CACNA1S: variants seen among roughly 807,000 people sequenced by gnomAD.
CACNA1S encodes voltage-dependent L-type calcium channel subunit alpha-1S.
Under a neutral mutation model 207.4 loss-of-function variants are expected in CACNA1S, and 126 were observed. The ratio of observed to expected loss-of-function variants is 0.61; its 90% CI spans 0.53 to 0.70. CACNA1S has a LOEUF of 0.70. Among genes scored for constraint, CACNA1S ranks in the 30% least tolerant of loss-of-function variants. The pLI, the probability that CACNA1S is intolerant of heterozygous loss-of-function variation, is 0.00. For missense variants in CACNA1S, 2,349 were observed against 2,422.8 expected, an observed-to-expected ratio of 0.97 and a Z score of 0.64; for synonymous variants, 960 against 932.7, an observed-to-expected ratio of 1.03 and a Z score of -0.53.
Position 201,058,468 on chromosome 1 carries a change from A to AT in CACNA1S, c.3548dup (p.Asn1183LysfsTer4). On this transcript the variant is annotated frameshift_variant, in exon 28 of 44. Coordinates refer to ENST00000362061, the MANE Select transcript of CACNA1S (RefSeq NM_000069.3). LOFTEE classifies it high-confidence loss of function. ...CAATGACAATCAGGAAGTCAAACAC[A>AT]TTCCAGGGGTCTCCAAAGTAGCCCT... 6.2e-7 allele frequency: 1 copy of AT among 1,614,150 alleles called. No individual in the cohort carries two copies. Among genetic ancestry groups the AT allele is most frequent in the South Asian group, 1.1e-5 (1 of 91,088 alleles).
At chr1:201,050,324 C>T (rs917980998) in intron 34 of CACNA1S, 65 bp downstream of exon 34, 2 of 1,574,358 alleles carry the variant, frequency 1.3e-6, no homozygotes, top group African/African-American at 1.3e-5. Context: ...AGAGTGACTC[C>T]CTGTGAGACG....
chr1:201,064,160 C>A (rs548436234), intron 22 of CACNA1S, among the ~76,000 whole-genome samples: 25 of 152,300 alleles, frequency 1.6e-4, no homozygotes, highest in African/African-American at 6.0e-4. Context: ...GGTGGGCCTC[C>A]TCTGCACCAG....
At chr1:201,056,369 C>T (rs908129541) in intron 28 of CACNA1S, among the ~76,000 whole-genome samples, 1 of 152,214 alleles carries the variant, frequency 6.6e-6, no homozygotes, top group Admixed American at 6.5e-5. Flanking sequence ...CCACCTCAGG[C>T]ATCCCCAGTG....
intron 43 of CACNA1S, 34 bp downstream of exon 43, chr1:201,040,197 T>C (rs780888225): frequency 1.7e-5 from 27 of 1,612,626 alleles, no homozygotes; most frequent in Middle Eastern, 2.0e-4. Flanking sequence ...CACCACTCAA[T>C]GCAGCCACTG....
At chr1:201,076,812 G>T in intron 12 of CACNA1S, 108 bp downstream of exon 12, 1 of 1,028,272 alleles carries the variant, frequency 9.7e-7, no homozygotes, top group Non-Finnish European at 1.5e-6. Context: ...TCAACCAGCA[G>T]ATCAGACAAG....
chr1:201,084,015 AT>A (rs1661946021), intron 9 of CACNA1S, among the ~76,000 whole-genome samples: 1 of 152,174 alleles, frequency 6.6e-6, no homozygotes, highest in African/African-American at 2.4e-5. Context: ...AATTAACTAC[AT>A]TATGGCATAT....
chr1:201,097,729 G>A (rs939740693), intron 2 of CACNA1S, among the ~76,000 whole-genome samples: 1 of 152,126 alleles, frequency 6.6e-6, no homozygotes, highest in African/African-American at 2.4e-5. Context: ...TGGGCTTGGG[G>A]GCCAGGGTCA....
rs964374538 is a variant in CACNA1S at position 201,048,784 on chromosome 1, G to A, written c.4339-100C>T. ...TGTGGACCGGGAGGGGACGGGACACGAGGGCTGGGGGTGTCAGCTGACCAG... is the reference window on the plus strand; with the variant it reads ...TGTGGACCGGGAGGGGACGGGACACAAGGGCTGGGGGTGTCAGCTGACCAG... On this transcript the variant is annotated intron_variant, in intron 35 of 43. Coordinates refer to ENST00000362061, the MANE Select transcript of CACNA1S (RefSeq NM_000069.3). The A allele has an allele frequency of 2.5e-5, 26 of 1,057,396 alleles. 1 individual carries two copies. The Admixed American group carries it at 3.7e-4, about 15-fold the overall frequency. 65.5% of individuals were successfully genotyped at this position (1,057,396 alleles called of 1,614,324 possible).
rs372374492 is a variant in CACNA1S, at chr1:201,083,186, G to A, written c.1369C>T (p.Pro457Ser). The change falls in exon 10 of 44, where the codon CCT (proline) becomes TCT (serine). Residue 457 changes from proline (P) to serine (S), a missense_variant. By Grantham distance (74) the Pro-to-Ser change is moderately conservative. Coordinates refer to ENST00000362061, the MANE Select transcript of CACNA1S (RefSeq NM_000069.3). ...LSIASEHHNQPLWLTRLQDIA... is the reference protein window; with the variant it reads ...LSIASEHHNQSLWLTRLQDIA... ...CCTTGCAAACGGGTCAGCCAGAGAG[G>A]CTGGTTGTGGTGCTCTGAGGCGATA... The A allele has an allele frequency of 6.8e-6, 11 of 1,614,082 alleles. No homozygotes were observed. The African/African-American group carries it at 9.3e-5, about 14-fold the overall frequency.
In CACNA1S at chr1:201,091,635, C is replaced by A; in HGVS notation, c.694+5G>T. ...CCCACAGCCCCACTTTCCCTGGGAG[C>A]TCACCTGTACCAATGAAGTAGCAGG... On this transcript the variant is annotated splice_donor_5th_base_variant and intron_variant, in intron 5 of 43. Coordinates refer to ENST00000362061, the MANE Select transcript of CACNA1S (RefSeq NM_000069.3). 1 of 1,614,192 alleles carries A rather than the reference C, an allele frequency of 6.2e-7. No homozygotes were observed. Among genetic ancestry groups the A allele is most frequent in the South Asian group, 1.1e-5 (1 of 91,076 alleles).
In CACNA1S at chr1:201,085,017, C is replaced by A. The variant is rs1438970526; in HGVS notation, c.1165G>T (p.Asp389Tyr). Residue 389 changes from aspartate (D) to tyrosine (Y), a missense_variant, in exon 9 of 44, where the codon GAT becomes TAT. Coordinates refer to ENST00000362061, the MANE Select transcript of CACNA1S (RefSeq NM_000069.3). ...EDFREGKLSL[D>Y]EGGSDTESLY... is the part of the protein sequence containing the mutation. ...CTCTCTGTGTCAGAGCCACCTTCATCCAAAGACAGTTTTCCTGGAGACAGG... is the reference window on the plus strand; with the variant it reads ...CTCTCTGTGTCAGAGCCACCTTCATACAAAGACAGTTTTCCTGGAGACAGG... The A allele has an allele frequency of 1.2e-6, 2 of 1,611,472 alleles. No individual in the cohort carries two copies. The highest frequency in any genetic ancestry group is 2.2e-5 in the South Asian group (2 of 91,068).
rs1239779076 is a variant in CACNA1S at position 201,085,428 on chromosome 1, G to T, written c.1150+8C>A. 1.2e-6 allele frequency: 2 copies of T among 1,613,706 alleles called. No homozygotes were observed. Among genetic ancestry groups the T allele is most frequent in the Non-Finnish European group, 1.7e-6 (2 of 1,179,998 alleles). The stretch of plus-strand genomic sequence containing the variant: ...GGTGAGTGCTGACCACAGCCTTTGG[G>T]CCCAAACCTTCTCTGAAGTCCTCAA... On this transcript the variant is annotated splice_region_variant and intron_variant, in intron 8 of 43. Transcript: ENST00000362061.
intron 17 of CACNA1S, 70 bp from the exon 18 acceptor site, chr1:201,069,671 T>A: frequency 6.5e-7 from 1 of 1,530,844 alleles, no homozygotes; most frequent in Non-Finnish European, 8.8e-7. Flanking sequence ...TCAGCCTCCA[T>A]CCTGCGGACG....
intron 2 of CACNA1S, among the ~76,000 whole-genome samples, chr1:201,099,387 G>C (rs911674833): frequency 2.0e-5 from 3 of 152,192 alleles, no homozygotes; most frequent in African/African-American, 7.2e-5. Flanking sequence ...GGGGCTGGCA[G>C]AGGCAGCAAA....
Position 201,083,145 on chromosome 1 carries a change from A to T in CACNA1S, c.1393+17T>A, listed in dbSNP as rs373849762. On this transcript the variant is annotated intron_variant, in intron 10 of 43. Coordinates refer to ENST00000362061, the MANE Select transcript of CACNA1S (RefSeq NM_000069.3). ...CCACATGTGCCCTCCTCCCGGCTTC[A>T]CTCCGTTCCGCCTCACCTTGCAAAC... is the stretch of plus-strand genomic sequence containing the variant. 2 of 1,611,900 alleles carry T rather than the reference A, an allele frequency of 1.2e-6. No homozygotes were observed. The highest frequency in any genetic ancestry group is 8.5e-7 in the Non-Finnish European group (1 of 1,179,590).
In CACNA1S at chr1:201,092,648, C is replaced by T. The variant is rs572346793; in HGVS notation, c.399-534G>A. ...TTCCTTTGCCTCCAAATACTTCTAA[C>T]GGCAGAACTCCCTGGGACACATTGC... is the stretch of plus-strand genomic sequence containing the variant. On this transcript the variant is annotated intron_variant, in intron 3 of 43. Coordinates refer to ENST00000362061, the MANE Select transcript of CACNA1S (RefSeq NM_000069.3). 1.3e-4 allele frequency among the ~76,000 whole-genome samples: 20 copies of T among 152,332 alleles called. No individual in the cohort carries two copies. The South Asian group carries it at 2.5e-3, about 19-fold the overall frequency.
At chr1:201,104,015 C>T (rs1422258310) in intron 2 of CACNA1S, among the ~76,000 whole-genome samples, 1 of 151,778 alleles carries the variant, frequency 6.6e-6, no homozygotes, top group African/African-American at 2.4e-5. Context: ...GCCCTGCCCT[C>T]GAGGAGAGCA....
intron 5 of CACNA1S, 73 bp downstream of exon 5, chr1:201,091,567 C>A (rs1662233533): frequency 1.9e-6 from 3 of 1,558,706 alleles, no homozygotes; most frequent in Admixed American, 1.7e-5. Flanking sequence ...GGCTCCTTCA[C>A]CAGGTAGGGT....
At chr1:201,072,330 C>A (rs1190883641) in intron 16 of CACNA1S, among the ~76,000 whole-genome samples, 2 of 152,166 alleles carry the variant, frequency 1.3e-5, no homozygotes, top group Non-Finnish European at 2.9e-5. Flanking sequence ...ATCCCTGTAT[C>A]CTTCCGGCCC....
Sources: allele counts gnomAD v4.1 joint callset (sites outside exome capture counted in the v4.1 genomes callset), GRCh38; gene constraint gnomAD v4.1.1; transcripts MANE v1.5; gene names NCBI Gene and HGNC (gene_info 2026-07-23, HGNC 2026-07-21).